Variants in DST observed in about 807,000 individuals in gnomAD.
DST encodes the protein dystonin.
DST carries 253 observed loss-of-function variants against 875.2 expected under a neutral mutation model. The ratio of observed to expected loss-of-function variants is 0.29; its 90% CI spans 0.26 to 0.32. The LOEUF (loss-of-function observed/expected upper bound fraction) is 0.32, where lower values mean the gene tolerates loss of function less well. DST is among the 10% of genes least tolerant of loss of function. DST has a pLI of 1.00. For synonymous variants in DST, 3,124 were observed against 3,197.1 expected (o/e 0.98, Z 0.77); for missense variants, 8,287 against 9,111.6 (o/e 0.91, Z 3.68).
chr6:56,850,877 G>C (rs1764844758), intron 4 of DST, among the ~76,000 whole-genome samples: 1 of 152,230 alleles, frequency 6.6e-6, no homozygotes, highest in Admixed American at 6.5e-5. Context: ...ACAGAAAGCT[G>C]CTATGGATAC....
intron 5 of DST, among the ~76,000 whole-genome samples, chr6:56,706,533 A>C (rs1371199773): frequency 2.0e-5 from 3 of 152,240 alleles, no homozygotes; most frequent in Non-Finnish European, 4.4e-5. Context: ...ATAAGCACTT[A>C]GGGAAATGAG....
intron 4 of DST, among the ~76,000 whole-genome samples, chr6:56,781,684 T>C (rs2099694315): frequency 6.6e-6 from 1 of 152,218 alleles, no homozygotes; most frequent in Admixed American, 6.5e-5. Flanking sequence ...ACAATTTGAC[T>C]TCCTCCTTTC....
chr6:56,620,763 C>G (rs1460235387), intron 36 of DST: 1 of 1,523,940 alleles, frequency 6.6e-7, no homozygotes, highest in African/African-American at 1.4e-5. Context: ...TTCAAAATAT[C>G]TTACAACGTA....
At chr6:56,460,104 T>C (rs1220930274) in intron 103 of DST, 27 bp downstream of exon 103, 4 of 1,579,328 alleles carry the variant, frequency 2.5e-6, no homozygotes, top group Non-Finnish European at 2.6e-6. Context: ...GCAAAAGCCA[T>C]TGAAAAAAGA....
intron 3 of DST, among the ~76,000 whole-genome samples, chr6:56,853,680 A>C (rs1411870752): frequency 6.6e-6 from 1 of 152,092 alleles, no homozygotes; most frequent in Non-Finnish European, 1.5e-5. Flanking sequence ...TTGTAGAGTA[A>C]ATTTTTTTAA....
At chr6:56,790,879 C>T (rs529737422) in intron 4 of DST, among the ~76,000 whole-genome samples, 57 of 152,320 alleles carry the variant, frequency 3.7e-4, no homozygotes, top group African/African-American at 1.3e-3. Context: ...CCATTGCCCA[C>T]ACTTTGGCCA....
chr6:56,576,578 G>T (rs141136267), intron 50 of DST, among the ~76,000 whole-genome samples: 2 of 152,090 alleles, frequency 1.3e-5, no homozygotes, highest in Admixed American at 6.6e-5. Context: ...TTTGGTGTAT[G>T]GGGAGAAATA....
intron 77 of DST, among the ~76,000 whole-genome samples, chr6:56,504,321 T>C (rs1382173885): frequency 1.3e-5 from 2 of 152,122 alleles, no homozygotes; most frequent in Non-Finnish European, 2.9e-5. Context: ...CAAAAGAAAT[T>C]GTTTATTCAA....
chr6:56,636,900 G>A (rs2098830885), intron 22 of DST, among the ~76,000 whole-genome samples: 1 of 152,078 alleles, frequency 6.6e-6, no homozygotes, highest in African/African-American at 2.4e-5. Flanking sequence ...TGGCCAACAT[G>A]GTGAAACCCC....
Position 56,492,964 on chromosome 6 carries a change from G to A in DST, c.20520C>T (p.Asp6840=). 6.2e-7 allele frequency: 1 copy of A among 1,611,278 alleles called. No individual in the cohort carries two copies. Residue 6840 remains aspartate, a synonymous_variant, in exon 84 of 104, where the codon GAC becomes GAT. Transcript: ENST00000680361. The part of the protein sequence containing the change: ...NVASRPSLIL[D]TVLFQIDEHK... ...GTTCGTCAATTTGAAATAAGACTGT[G>A]TCCAAGATGAGACTTGGCCGAGAAG...
intron 4 of DST, among the ~76,000 whole-genome samples, chr6:56,760,489 A>T (rs1159021868): frequency 1.3e-5 from 2 of 152,172 alleles, no homozygotes; most frequent in Non-Finnish European, 2.9e-5. Context: ...CAGCTTTCAG[A>T]TATTTATGAG....
At position 56,511,407 on chromosome 6, in the gene DST, C is replaced by T; in HGVS notation, c.18577-7G>A. ...CTATCAACTCACGCAGTTGCTATAA[C>T]AAACCAAACAGCTTTTCAGTATCTC... On this transcript the variant is annotated splice_region_variant and splice_polypyrimidine_tract_variant and intron_variant, in intron 72 of 103. Transcript: ENST00000680361. 1 of 1,591,004 alleles carries T rather than the reference C, an allele frequency of 6.3e-7. No homozygotes were observed. Among genetic ancestry groups the T allele is most frequent in the Non-Finnish European group, 8.6e-7 (1 of 1,168,276 alleles).
intron 4 of DST, among the ~76,000 whole-genome samples, chr6:56,842,432 A>G (rs763631175): frequency 2.3e-4 from 35 of 152,250 alleles, no homozygotes; most frequent in Non-Finnish European, 4.4e-4. Flanking sequence ...ATACTAAAAC[A>G]TAAATATCAG....
chr6:56,861,039 C>T (rs1159326304), intron 3 of DST, among the ~76,000 whole-genome samples: 1 of 151,822 alleles, frequency 6.6e-6, no homozygotes, highest in Non-Finnish European at 1.5e-5. Flanking sequence ...TCTCTATTGA[C>T]ACATAAGCAA....
chr6:56,939,224 T>C (rs921146902), intron 2 of DST, among the ~76,000 whole-genome samples: 4 of 152,214 alleles, frequency 2.6e-5, no homozygotes, highest in Admixed American at 6.5e-5. Flanking sequence ...ACAAAGTTTC[T>C]CAAAACTGTT....
chr6:56,778,691 T>C (rs1015515372), intron 4 of DST, among the ~76,000 whole-genome samples: 3 of 151,954 alleles, frequency 2.0e-5, no homozygotes, highest in African/African-American at 7.3e-5. Context: ...GCTTGATCCA[T>C]GTCCCTACAA....
chr6:56,880,363 C>T (rs1781523763), intron 3 of DST, among the ~76,000 whole-genome samples: 1 of 152,222 alleles, frequency 6.6e-6, no homozygotes, highest in African/African-American at 2.4e-5. Flanking sequence ...GAAATTACTT[C>T]GGAGAAACCA....
intron 83 of DST, 82 bp from the exon 84 acceptor site, chr6:56,493,171 A>G: frequency 7.8e-7 from 1 of 1,277,938 alleles, no homozygotes; most frequent in Non-Finnish European, 1.1e-6. Flanking sequence ...TCTCTGGCAG[A>G]TTCCTTTCCT....
chr6:56,946,545 AAAG>A (rs1413384905), intron 2 of DST, among the ~76,000 whole-genome samples: 2 of 152,216 alleles, frequency 1.3e-5, no homozygotes, highest in African/African-American at 4.8e-5. Context: ...AATTGAGGAT[AAAG>A]AAGGAGGGGA....
Sources: allele counts gnomAD v4.1 joint callset (sites outside exome capture counted in the v4.1 genomes callset), GRCh38; gene constraint gnomAD v4.1.1; transcripts MANE v1.5; gene names NCBI Gene and HGNC (gene_info 2026-07-23, HGNC 2026-07-21).